RIGI: variants seen among roughly 807,000 people sequenced by gnomAD.
RIGI encodes the protein antiviral innate immune response receptor RIG-I.
the RIGI span, chr9:32,468,010 G>T: frequency 7.4e-7 from 1 of 1,343,944 alleles, no homozygotes; most frequent in Non-Finnish European, 1.0e-6. Flanking sequence ...ACTAATTATG[G>T]AATGCTTATT....
the RIGI span, among the ~76,000 whole-genome samples, chr9:32,457,942 G>A: frequency 3.3e-5 from 5 of 152,046 alleles, no homozygotes; most frequent in African/African-American, 1.2e-4. Context: ...GAAAACATAG[G>A]GTCTAAAAGG....
At chr9:32,513,731 A>G in the RIGI span, among the ~76,000 whole-genome samples, 3 of 152,374 alleles carry the variant, frequency 2.0e-5, no homozygotes, top group East Asian at 5.8e-4. Context: ...GGCAAATAGA[A>G]TCTAATTAAA....
the RIGI span, among the ~76,000 whole-genome samples, chr9:32,493,523 C>T: frequency 6.6e-6 from 1 of 151,576 alleles, no homozygotes; most frequent in Non-Finnish European, 1.5e-5. Flanking sequence ...ACTCGAGAGG[C>T]GAGGCAGGAG....
chr9:32,465,469 C>T, the RIGI span, among the ~76,000 whole-genome samples: 1 of 152,158 alleles, frequency 6.6e-6, no homozygotes, highest in Non-Finnish European at 1.5e-5. Flanking sequence ...CACTTCTGTC[C>T]AGTAACAGCT....
chr9:32,491,393 A>G, the RIGI span: 1 of 1,611,566 alleles, frequency 6.2e-7, no homozygotes, highest in East Asian at 2.2e-5. Context: ...CTTATCCTCA[A>G]GATCTTCTGT....
At chr9:32,518,050 C>T in the RIGI span, among the ~76,000 whole-genome samples, 1 of 152,070 alleles carries the variant, frequency 6.6e-6, no homozygotes, top group African/African-American at 2.4e-5. Context: ...AGATTTCTTG[C>T]TTCCTAGGTT....
the RIGI span, among the ~76,000 whole-genome samples, chr9:32,461,570 T>C: frequency 2.6e-5 from 4 of 152,178 alleles, no homozygotes; most frequent in African/African-American, 4.8e-5. Flanking sequence ...AATGGGACAA[T>C]AGCATCTGCT....
chr9:32,472,354 A>G, the RIGI span, among the ~76,000 whole-genome samples: 1 of 152,252 alleles, frequency 6.6e-6, no homozygotes, highest in African/African-American at 2.4e-5. Flanking sequence ...GGCAATGTCT[A>G]CAAGGAAAGA....
At chr9:32,498,949 C>T in the RIGI span, among the ~76,000 whole-genome samples, 8 of 144,836 alleles carry the variant, frequency 5.5e-5, no homozygotes, top group South Asian at 1.7e-3. Context: ...TGCCATTGCA[C>T]TCCAGCCTGG....
At chr9:32,498,240 A>C in the RIGI span, 1 of 455,936 alleles carries the variant, frequency 2.2e-6, no homozygotes, top group South Asian at 1.5e-5. Flanking sequence ...GAGGGCCAAA[A>C]ACTCCACCCT....
At chr9:32,524,133 A>G in the RIGI span, among the ~76,000 whole-genome samples, 1 of 152,110 alleles carries the variant, frequency 6.6e-6, no homozygotes, top group East Asian at 1.9e-4. Context: ...GCACTGCTGC[A>G]CTTTATTATT....
the RIGI span, among the ~76,000 whole-genome samples, chr9:32,459,946 T>C: frequency 2.0e-5 from 3 of 152,096 alleles, no homozygotes; most frequent in East Asian, 1.9e-4. Context: ...GCCCCTGATA[T>C]GGTTTGGCTG....
chr9:32,466,146 CAG>C, the RIGI span: 25 of 814,794 alleles, frequency 3.1e-5, no homozygotes, highest in South Asian at 3.8e-4. Context: ...CATTTAAAAA[CAG>C]AATGAATTTA....
At chr9:32,464,781 G>A in the RIGI span, among the ~76,000 whole-genome samples, 1 of 152,172 alleles carries the variant, frequency 6.6e-6, no homozygotes, top group Admixed American at 6.5e-5. Context: ...CTTCCCAGCT[G>A]CCAGTAACTC....
At chr9:32,494,029 G>T in the RIGI span, 1 of 1,030,562 alleles carries the variant, frequency 9.7e-7, no homozygotes, top group Non-Finnish European at 1.4e-6. Context: ...ATGTTTGAAT[G>T]TATGGTGGTA....
At chr9:32,511,856 G>A in the RIGI span, among the ~76,000 whole-genome samples, 1 of 152,094 alleles carries the variant, frequency 6.6e-6, no homozygotes, top group Non-Finnish European at 1.5e-5. Context: ...AAGAAGAAGA[G>A]AGAGATGACT....
the RIGI span, among the ~76,000 whole-genome samples, chr9:32,499,001 A>C: frequency 1.3e-5 from 2 of 151,848 alleles, no homozygotes; most frequent in South Asian, 2.1e-4. Flanking sequence ...AAAAAAAAAA[A>C]AAAAGATTTC....
At chr9:32,499,939 A>G in the RIGI span, among the ~76,000 whole-genome samples, 10 of 152,284 alleles carry the variant, frequency 6.6e-5, no homozygotes, top group East Asian at 1.9e-3. Context: ...TCGGCTTTTA[A>G]TATTATTCTG....
At chr9:32,517,286 C>A in the RIGI span, among the ~76,000 whole-genome samples, 1 of 152,198 alleles carries the variant, frequency 6.6e-6, no homozygotes, top group African/African-American at 2.4e-5. Context: ...CAAATTTTAG[C>A]CATGTGGACT....
Sources: gnomAD v4.1 joint callset for allele counts (sites outside exome capture counted in the v4.1 genomes callset) on GRCh38, gnomAD v4.1.1 for gene constraint, MANE v1.5 for transcripts, NCBI Gene and HGNC (gene_info 2026-07-23, HGNC 2026-07-21) for gene names.